Variants in ATF7IP2 observed in about 807,000 individuals in gnomAD.
ATF7IP2 encodes the protein activating transcription factor 7 interacting protein 2, also known as activating transcription factor 7-interacting protein 2.
Under a neutral mutation model 64.2 loss-of-function variants are expected in ATF7IP2, and 42 were observed. The ratio of observed to expected loss-of-function variants is 0.65; its 90% CI spans 0.51 to 0.85. The LOEUF is 0.85. Among genes scored for constraint, ATF7IP2 ranks in the 40% least tolerant of loss-of-function variants. ATF7IP2 has a pLI of 0.00. For synonymous variants in ATF7IP2, 308 were observed against 272.8 expected (o/e 1.13, Z -1.27); for missense variants, 933 against 784.2 (o/e 1.19, Z -2.27).
intron 1 of ATF7IP2, among the ~76,000 whole-genome samples, chr16:10,399,282 T>G (rs1373373451): frequency 2.6e-5 from 4 of 152,220 alleles, no homozygotes; most frequent in Non-Finnish European, 5.9e-5. Context: ...TTCAACACAA[T>G]CCTTATGAAA....
intron 9 of ATF7IP2, among the ~76,000 whole-genome samples, chr16:10,464,212 T>C (rs2049476199): frequency 6.6e-6 from 1 of 152,242 alleles, no homozygotes; most frequent in Admixed American, 6.5e-5. Context: ...ATGGCTGTTC[T>C]ACCTGTCCTT....
At chr16:10,409,511 G>A (rs1439205407) in intron 1 of ATF7IP2, among the ~76,000 whole-genome samples, 1 of 149,944 alleles carries the variant, frequency 6.7e-6, no homozygotes. Flanking sequence ...TTTTTATTGA[G>A]ACTTTTTTTT....
intron 3 of ATF7IP2, among the ~76,000 whole-genome samples, chr16:10,426,607 G>A (rs901995567): frequency 6.6e-6 from 1 of 152,094 alleles, no homozygotes; most frequent in African/African-American, 2.4e-5. Flanking sequence ...CACAGCCATG[G>A]TATAGCACCG....
At chr16:10,401,497 A>G (rs2047534151) in intron 1 of ATF7IP2, among the ~76,000 whole-genome samples, 1 of 152,024 alleles carries the variant, frequency 6.6e-6, no homozygotes, top group Admixed American at 6.6e-5. Flanking sequence ...TGTTAGATTC[A>G]GTTTGCTAGT....
intron 8 of ATF7IP2, chr16:10,446,537 A>C (rs1390978177): frequency 6.6e-6 from 1 of 152,160 alleles, no homozygotes; most frequent in Non-Finnish European, 1.5e-5. Context: ...TAGGGCTCTT[A>C]CTATTAATAT....
At chr16:10,471,470 G>T (rs756084745) in intron 9 of ATF7IP2, among the ~76,000 whole-genome samples, 15 of 152,126 alleles carry the variant, frequency 9.9e-5, no homozygotes, top group African/African-American at 2.7e-4. Flanking sequence ...AGAGGTTTCG[G>T]TGAGCCAAGA....
At chr16:10,472,739 C>A (rs149344527) in intron 10 of ATF7IP2, among the ~76,000 whole-genome samples, 4,813 of 151,808 alleles carry the variant, frequency 0.032, 113 homozygotes, top group South Asian at 0.082. Context: ...GCCTGTAATC[C>A]CAGCTACTCT....
chr16:10,455,969 T>A (rs933190537), intron 8 of ATF7IP2, among the ~76,000 whole-genome samples: 1 of 152,260 alleles, frequency 6.6e-6, no homozygotes, highest in South Asian at 2.1e-4. Context: ...GTTTGACTTA[T>A]GAGATTTTAT....
At chr16:10,445,721 G>A (rs1456762442) in intron 8 of ATF7IP2, 1 of 152,208 alleles carries the variant, frequency 6.6e-6, no homozygotes, top group Non-Finnish European at 1.5e-5. Context: ...TGGTCAGGCT[G>A]GTCTCGAACT....
At chr16:10,454,408 CAAAAAAAAAAAAAAA>C (rs34720125) in intron 8 of ATF7IP2, 20 of 48,142 alleles carry the variant, frequency 4.2e-4, no homozygotes, top group South Asian at 9.0e-4. Context: ...GACTCCATCT[CAAAAAAAAAAAAAAA>C]AAAAAAAAAA....
At chr16:10,477,626 A>G (rs1210293710) in intron 12 of ATF7IP2, among the ~76,000 whole-genome samples, 2 of 152,072 alleles carry the variant, frequency 1.3e-5, no homozygotes, top group South Asian at 2.1e-4. Context: ...CCTATTCAAC[A>G]TAGTGTTGGA....
chr16:10,406,890 A>C (rs899588165), intron 1 of ATF7IP2, among the ~76,000 whole-genome samples: 1 of 152,216 alleles, frequency 6.6e-6, no homozygotes, highest in African/African-American at 2.4e-5. Flanking sequence ...TGAGGAGGTA[A>C]TACTTCCAAA....
chr16:10,408,426 A>G (rs935927176), intron 1 of ATF7IP2, among the ~76,000 whole-genome samples: 10 of 152,144 alleles, frequency 6.6e-5, no homozygotes, highest in African/African-American at 2.2e-4. Flanking sequence ...ACTGTTTTCC[A>G]TGATGGTTGT....
At chr16:10,462,170 G>A (rs969973385) in intron 9 of ATF7IP2, among the ~76,000 whole-genome samples, 1 of 151,952 alleles carries the variant, frequency 6.6e-6, no homozygotes, top group African/African-American at 2.4e-5. Context: ...GAATACTTTA[G>A]CTTTGTTTAC....
At chr16:10,425,542 GAC>G (rs2141854711) in intron 3 of ATF7IP2, among the ~76,000 whole-genome samples, 1 of 152,148 alleles carries the variant, frequency 6.6e-6, no homozygotes, top group South Asian at 2.1e-4. Context: ...TCTGTTGAAA[GAC>G]AAATTCATTA....
At chr16:10,465,267 T>TTCTG (rs1208340708) in intron 9 of ATF7IP2, among the ~76,000 whole-genome samples, 1 of 152,220 alleles carries the variant, frequency 6.6e-6, no homozygotes, top group African/African-American at 2.4e-5. Context: ...GATCTAAACA[T>TTCTG]TCTGTCTCCA....
At chr16:10,443,485 C>T (rs1239386299) in intron 8 of ATF7IP2, among the ~76,000 whole-genome samples, 2 of 152,216 alleles carry the variant, frequency 1.3e-5, no homozygotes, top group Non-Finnish European at 2.9e-5. Flanking sequence ...CTCTGGCCTA[C>T]CGTGTGCACA....
chr16:10,472,034 C>T (rs1278741313), intron 9 of ATF7IP2, 76 bp from the exon 10 acceptor site: 4 of 659,112 alleles, frequency 6.1e-6, no homozygotes. Context: ...TTAGAGGACT[C>T]CTAACCACTA....
At chr16:10,444,784 C>G (rs1366547938) in intron 8 of ATF7IP2, among the ~76,000 whole-genome samples, 2 of 152,092 alleles carry the variant, frequency 1.3e-5, no homozygotes, top group Admixed American at 6.5e-5. Flanking sequence ...TGAGTAAGCC[C>G]TTTAACAATA....
Sources: gnomAD v4.1 joint callset for allele counts (sites outside exome capture counted in the v4.1 genomes callset) on GRCh38, gnomAD v4.1.1 for gene constraint, MANE v1.5 for transcripts, NCBI Gene and HGNC (gene_info 2026-07-23, HGNC 2026-07-21) for gene names.